Variants in CDC73 observed in about 807,000 individuals in gnomAD.
CDC73 encodes parafibromin.
A neutral mutation model predicts 83.7 loss-of-function variants in CDC73; 21 were observed. The ratio of observed to expected loss-of-function variants is 0.25; its 90% CI spans 0.18 to 0.36. CDC73 has a LOEUF of 0.36. Among genes scored for constraint, CDC73 ranks in the 10% least tolerant of loss-of-function variants. The probability of loss-of-function intolerance (pLI) is 1.00; values close to 1 mark genes in which losing one functional copy is unlikely to be tolerated. For missense variants in CDC73, 342 were observed against 653.3 expected, an observed-to-expected ratio of 0.52 and a Z score of 5.19; for synonymous variants, 224 against 212.9, an observed-to-expected ratio of 1.05 and a Z score of -0.45.
intron 11 of CDC73, among the ~76,000 whole-genome samples, chr1:193,204,236 C>T (rs1246226455): frequency 3.1e-5 from 4 of 128,208 alleles, no homozygotes; most frequent in African/African-American, 1.2e-4. Context: ...TGTATATATA[C>T]ACGTATATAT....
chr1:193,205,153 A>G (rs1257539772), intron 11 of CDC73, among the ~76,000 whole-genome samples: 1 of 126,892 alleles, frequency 7.9e-6, no homozygotes, highest in Non-Finnish European at 1.6e-5. Flanking sequence ...TTTTATTTTT[A>G]CATTTATTTA....
intron 13 of CDC73, among the ~76,000 whole-genome samples, chr1:193,215,670 AC>A (rs1487835149): frequency 6.7e-6 from 1 of 149,768 alleles, no homozygotes; most frequent in East Asian, 2.0e-4. Context: ...GCTCTCTGCA[AC>A]CTCTGCCTCC....
At chr1:193,135,054 GTGTGTGTA>G (rs1675766464) in intron 3 of CDC73, among the ~76,000 whole-genome samples, 1 of 141,328 alleles carries the variant, frequency 7.1e-6, no homozygotes, top group Non-Finnish European at 1.6e-5. Flanking sequence ...GTGTGTATGT[GTGTGTGTA>G]TATATATATT....
At chr1:193,201,878 T>G (rs935031006) in intron 10 of CDC73, among the ~76,000 whole-genome samples, 2 of 152,174 alleles carry the variant, frequency 1.3e-5, no homozygotes, top group African/African-American at 2.4e-5. Context: ...GTAGTTATCT[T>G]TATATGCACA....
intron 10 of CDC73, among the ~76,000 whole-genome samples, chr1:193,200,250 G>A (rs962795778): frequency 6.6e-6 from 1 of 151,954 alleles, no homozygotes; most frequent in African/African-American, 2.4e-5. Context: ...CACTGTTTCA[G>A]GTAACATTTT....
intron 10 of CDC73, among the ~76,000 whole-genome samples, chr1:193,197,280 C>T (rs1429876676): frequency 1.3e-5 from 2 of 152,006 alleles, no homozygotes; most frequent in East Asian, 1.9e-4. Context: ...CCTTTGCATT[C>T]CAAGAATGAA....
At position 193,252,508 on chromosome 1, in the gene CDC73, A is replaced by T. The variant is rs2102076406; in HGVS notation, c.*1796A>T. On this transcript the variant is annotated 3_prime_UTR_variant, in exon 17 of 17. Transcript: ENST00000367435. The stretch of plus-strand genomic sequence containing the variant: ...TTACTTGAGACAGAATATGGTTAAA[A>T]TTAGGAACATCTACTTTGAATGAGG... 2 of 230,074 alleles carry T rather than the reference A, an allele frequency of 8.7e-6. No homozygotes were observed. Among genetic ancestry groups the T allele is most frequent in the Middle Eastern group, 2.6e-3 (2 of 762 alleles). The allele number at this position is 230,074 out of a possible 1,614,324, so 14.3% of individuals were successfully genotyped here.
chr1:193,169,430 A>G (rs149924304), intron 10 of CDC73, among the ~76,000 whole-genome samples: 1,840 of 152,330 alleles, frequency 0.012, 18 homozygotes, highest in South Asian at 0.034. Context: ...CTATGATCCC[A>G]GCTGCTAAAG....
At chr1:193,193,927 T>G (rs1366554328) in intron 10 of CDC73, among the ~76,000 whole-genome samples, 2 of 152,102 alleles carry the variant, frequency 1.3e-5, no homozygotes, top group Admixed American at 6.6e-5. Context: ...CTAAATGTTT[T>G]CTTTTAAAGC....
At chr1:193,224,430 A>G (rs1572209822) in intron 13 of CDC73, among the ~76,000 whole-genome samples, 1 of 152,146 alleles carries the variant, frequency 6.6e-6, no homozygotes, top group African/African-American at 2.4e-5. Flanking sequence ...GCATTCACAT[A>G]TACACATATG....
intron 15 of CDC73, among the ~76,000 whole-genome samples, chr1:193,238,513 A>G (rs565419938): frequency 1.3e-5 from 2 of 152,220 alleles, no homozygotes; most frequent in Admixed American, 6.5e-5. Context: ...GTTACTTTCC[A>G]AGTACCTGTT....
At chr1:193,221,838 C>T (rs976001996) in intron 13 of CDC73, among the ~76,000 whole-genome samples, 1 of 152,134 alleles carries the variant, frequency 6.6e-6, no homozygotes, top group African/African-American at 2.4e-5. Context: ...TGACATCTCC[C>T]CTACAGTTTG....
chr1:193,197,211 A>G (rs1677016520), intron 10 of CDC73, among the ~76,000 whole-genome samples: 2 of 151,676 alleles, frequency 1.3e-5, no homozygotes, highest in African/African-American at 4.8e-5. Context: ...TTTCACCTTT[A>G]TCTGTTAATG....
At chr1:193,164,668 AGTCCAGGG>A (rs1269421101) in intron 10 of CDC73, among the ~76,000 whole-genome samples, 7 of 152,168 alleles carry the variant, frequency 4.6e-5, no homozygotes, top group Admixed American at 1.3e-4. Context: ...ACTTGTTGCA[AGTCCAGGG>A]TACCTTTCCC....
At chr1:193,212,560 T>C (rs1041574746) in intron 13 of CDC73, 83 bp downstream of exon 13, 2 of 955,086 alleles carry the variant, frequency 2.1e-6, no homozygotes, top group Admixed American at 2.1e-5. Flanking sequence ...GTATTACTTA[T>C]TTGGAAAAAA....
At chr1:193,132,054 GAATA>G (rs1225193628) in intron 3 of CDC73, among the ~76,000 whole-genome samples, 1 of 152,180 alleles carries the variant, frequency 6.6e-6, no homozygotes, top group African/African-American at 2.4e-5. Context: ...GTTCTTAACT[GAATA>G]AATGAGTAAT....
intron 15 of CDC73, chr1:193,237,199 T>C (rs547717594): frequency 1.3e-5 from 2 of 152,152 alleles, no homozygotes; most frequent in South Asian, 4.1e-4. Context: ...GAATGTCAAT[T>C]GTACAATTCT....
chr1:193,195,169 T>C (rs1306880878), intron 10 of CDC73, among the ~76,000 whole-genome samples: 5 of 152,098 alleles, frequency 3.3e-5, no homozygotes, highest in African/African-American at 1.2e-4. Flanking sequence ...TGATGAAGCC[T>C]ACTCACATTA....
At chr1:193,182,960 G>A (rs997704466) in intron 10 of CDC73, among the ~76,000 whole-genome samples, 1 of 151,878 alleles carries the variant, frequency 6.6e-6, no homozygotes, top group Non-Finnish European at 1.5e-5. Context: ...TTTTAATACA[G>A]GAGCATTTAT....
Sources: gnomAD v4.1 joint callset for allele counts (sites outside exome capture counted in the v4.1 genomes callset) on GRCh38, gnomAD v4.1.1 for gene constraint, MANE v1.5 for transcripts, NCBI Gene and HGNC (gene_info 2026-07-23, HGNC 2026-07-21) for gene names.